The following MTOR variants were observed in gnomAD, a reference collection of about 807,000 sequenced individuals.
The protein encoded by MTOR is mechanistic target of rapamycin kinase, also known as serine/threonine-protein kinase mTOR.
MTOR carries 70 observed loss-of-function variants against 319.8 expected under a neutral mutation model. The observed-to-expected ratio is 0.22, with a 90% confidence interval of 0.18 to 0.27. The LOEUF (loss-of-function observed/expected upper bound fraction) is 0.27, where lower values mean the gene tolerates loss of function less well. Among genes scored for constraint, MTOR ranks in the 10% least tolerant of loss-of-function variants. The pLI is 1.00. For synonymous variants in MTOR, 1,183 were observed against 1,211.4 expected, an observed-to-expected ratio of 0.98 and a Z score of 0.49; for missense variants, 1,890 against 3,274.4, an observed-to-expected ratio of 0.58 and a Z score of 10.32.
chr1:11,251,213 T>A lies in MTOR; in HGVS notation c.840+2626A>T, dbSNP rs529436342. On this transcript the variant is annotated intron_variant, in intron 6 of 57. Transcript: ENST00000361445. ...ACCCCATATCCCCACACACTTCTCC[T>A]GCTCACTCTGCTCAGCCATGGTAGG... Among the ~76,000 whole-genome samples the A allele has an allele frequency of 1.1e-3, 165 of 152,294 alleles. 5 individuals are homozygous for A. In the South Asian group the frequency reaches 0.034, roughly 31 times the overall value.
At chr1:11,180,781 G>GTT (rs60096418) in intron 28 of MTOR, among the ~76,000 whole-genome samples, 30 of 142,116 alleles carry the variant, frequency 2.1e-4, no homozygotes, top group South Asian at 1.1e-3. Context: ...AATAAGGCAG[G>GTT]TTTTTTTTTT....
chr1:11,126,234 T>TAAA (rs113648055), intron 46 of MTOR, among the ~76,000 whole-genome samples: 1 of 142,168 alleles, frequency 7.0e-6, no homozygotes, highest in African/African-American at 2.6e-5. Flanking sequence ...ACTATGATGG[T>TAAA]AAAAAAAAAA....
At chr1:11,243,489 C>T (rs887723244) in intron 8 of MTOR, among the ~76,000 whole-genome samples, 189 bp from the exon 9 acceptor site, 1 of 151,772 alleles carries the variant, frequency 6.6e-6, no homozygotes, top group African/African-American at 2.4e-5. Flanking sequence ...GCCAGGAGTT[C>T]GAAACAGCCT....
chr1:11,160,122 C>T (rs12139661), intron 29 of MTOR, among the ~76,000 whole-genome samples: 1 of 71,694 alleles, frequency 1.4e-5, no homozygotes, highest in Admixed American at 1.3e-4. Context: ...AATTTTGAGG[C>T]AGAGTTTCGC....
intron 30 of MTOR, 107 bp downstream of exon 30, chr1:11,157,045 G>T: frequency 1.5e-6 from 2 of 1,366,656 alleles, no homozygotes; most frequent in South Asian, 1.4e-5. Context: ...GGAACAAAAT[G>T]AGTCTGAAGT....
chr1:11,151,187 T>G (rs1644129500), intron 30 of MTOR, among the ~76,000 whole-genome samples: 2 of 152,160 alleles, frequency 1.3e-5, no homozygotes, highest in African/African-American at 2.4e-5. Context: ...GAATCTAGGC[T>G]GAGCTCACCA....
Position 11,129,672 on chromosome 1 carries a change from C to A in MTOR, c.5714+66G>T, listed in dbSNP as rs763936479. 1.4e-6 allele frequency: 2 copies of A among 1,418,034 alleles called. No homozygotes were observed. The allele number at this position is 1,418,034 out of a possible 1,614,324, so 87.8% of individuals were successfully genotyped here. On this transcript the variant is annotated intron_variant, in intron 40 of 57. Transcript: ENST00000361445. This position sits in a 1 kb window ranked among gnomAD's most constrained non-coding sequence, Gnocchi z 4.7. ...GTCAGGAAGGGAAAGAGGACTTTTA[C>A]GTGTGACTTCTAGGTCTTGCCATTA...
Position 11,119,055 on chromosome 1 carries a change from G to C in MTOR, c.6934-1969C>G, listed in dbSNP as rs540887742. On this transcript the variant is annotated intron_variant, in intron 49 of 57. Transcript: ENST00000361445. ...GTCTGACTTGGGTTAAGACTTAAAT[G>C]TAAAAAAAACCCTGTAACTAGTATA... 7.9e-5 allele frequency among the ~76,000 whole-genome samples: 12 copies of C among 152,058 alleles called. No individual in the cohort carries two copies. The South Asian group carries it at 1.7e-3, about 21-fold the overall frequency.
chr1:11,134,935 C>T (rs905401463), intron 36 of MTOR, among the ~76,000 whole-genome samples: 2 of 152,158 alleles, frequency 1.3e-5, no homozygotes, highest in Admixed American at 6.5e-5. Flanking sequence ...TCATATAGCA[C>T]CCAAATAAGA....
At chr1:11,131,277 G>A (rs1643139876) in intron 38 of MTOR, 3 of 170,356 alleles carry the variant, frequency 1.8e-5, no homozygotes, top group Non-Finnish European at 2.5e-5. Context: ...TTGGTTCACG[G>A]GAAACAAGCC....
At chr1:11,108,320 T>G in intron 56 of MTOR, 34 bp from the exon 57 acceptor site, 31 of 1,524,230 alleles carry the variant, frequency 2.0e-5, no homozygotes, top group African/African-American at 4.1e-5. Flanking sequence ...TTTCACTCTC[T>G]TCCTGGCAAT....
At chr1:11,173,640 T>A (rs1212250099) in intron 28 of MTOR, among the ~76,000 whole-genome samples, 1 of 152,186 alleles carries the variant, frequency 6.6e-6, no homozygotes, top group Non-Finnish European at 1.5e-5. Context: ...CCAGCTGCTA[T>A]CAGCCTGTGT....
intron 6 of MTOR, among the ~76,000 whole-genome samples, chr1:11,248,791 G>A (rs1472621171): frequency 4.6e-5 from 7 of 151,996 alleles, no homozygotes; most frequent in South Asian, 2.1e-4. Context: ...TAGCCTGGGC[G>A]ACAAGAGGGA....
chr1:11,237,265 A>G (rs991769715), intron 13 of MTOR, among the ~76,000 whole-genome samples: 1 of 152,116 alleles, frequency 6.6e-6, no homozygotes, highest in Admixed American at 6.5e-5. Flanking sequence ...TCAGTAGGTG[A>G]AGACAAAAAC....
rs757246303 is a variant in MTOR, at chr1:11,126,041, C to CAAA, written c.6526+578_6526+580dup. On this transcript the variant is annotated intron_variant, in intron 46 of 57. Transcript: ENST00000361445. ...GGGCAACAAGAGCAAAACTCTGGCTCAAAAAAAAAAAAAAAAAAAAAAAAA... is the reference window on the plus strand; with the variant it reads ...GGGCAACAAGAGCAAAACTCTGGCTCAAAAAAAAAAAAAAAAAAAAAAAAAAAA... Among the ~76,000 whole-genome samples, 165 of 28,272 alleles carry CAAA rather than the reference C, an allele frequency of 5.8e-3. 4 individuals are homozygous for CAAA. Among genetic ancestry groups the CAAA allele is most frequent in the Non-Finnish European group, 8.5e-3 (109 of 12,860 alleles). The allele number at this position is 28,272 out of a possible 152,430, so 18.5% of individuals were successfully genotyped here.
intron 36 of MTOR, among the ~76,000 whole-genome samples, chr1:11,135,524 TTTTG>T (rs1025734754): frequency 4.5e-4 from 69 of 152,290 alleles, no homozygotes; most frequent in African/African-American, 1.6e-3. Context: ...TAAGAGGTAT[TTTTG>T]TTTGTTTTAA....
intron 36 of MTOR, among the ~76,000 whole-genome samples, chr1:11,136,336 G>A (rs1177552222): frequency 6.6e-6 from 1 of 152,138 alleles, no homozygotes. Context: ...TGAGGACAGG[G>A]CAGGCACACA....
chr1:11,228,525 C>T, intron 19 of MTOR, 143 bp downstream of exon 19: 1 of 1,145,460 alleles, frequency 8.7e-7, no homozygotes, highest in Non-Finnish European at 1.2e-6. Context: ...TGATTGTACA[C>T]TTTATATGTT....
In MTOR at chr1:11,240,458, GA is replaced by G; in HGVS notation, c.1630del (p.Ser544ProfsTer56). 1 of 1,614,250 alleles carries G rather than the reference GA, an allele frequency of 6.2e-7. No individual in the cohort carries two copies. Among genetic ancestry groups the G allele is most frequent in the Non-Finnish European group, 8.5e-7 (1 of 1,180,052 alleles). On this transcript the variant is annotated frameshift_variant, in exon 11 of 58. Coordinates refer to ENST00000361445, the MANE Select transcript of MTOR (RefSeq NM_004958.4). LOFTEE classifies it high-confidence loss of function. Reference protein sequence around the residue: ...DIQDGLLKMLSLVLMHKPLRH... With the variant: ...DIQDGLLKMLXLVLMHKPLRH... ...AAGGGGTTTGTGCATAAGGACCAGG[GA>G]CAGCATTTTCAGTAGCCCATCTTGA... is the stretch of plus-strand genomic sequence containing the variant.
Sources: gnomAD v4.1 joint callset for allele counts (sites outside exome capture counted in the v4.1 genomes callset) on GRCh38, gnomAD v4.1.1 for gene constraint, Gnocchi (gnomAD v3.1) non-coding constraint, MANE v1.5 for transcripts, NCBI Gene and HGNC (gene_info 2026-07-23, HGNC 2026-07-21) for gene names.